The following GALNT18 variants were observed in gnomAD, a reference collection of about 807,000 sequenced individuals.
GALNT18 encodes the protein polypeptide N-acetylgalactosaminyltransferase 18.
A neutral mutation model predicts 69.5 loss-of-function variants in GALNT18; 44 were observed. That is an observed-to-expected ratio of 0.63 (90% CI 0.50 to 0.81). The LOEUF (loss-of-function observed/expected upper bound fraction) is 0.81, where lower values mean the gene tolerates loss of function less well. Ranked by LOEUF, GALNT18 falls within the 40% of genes least tolerant of loss-of-function variation. GALNT18 has a pLI of 0.00. For missense variants in GALNT18, 715 were observed against 810.0 expected, an observed-to-expected ratio of 0.88 and a Z score of 1.42; for synonymous variants, 364 against 318.2, an observed-to-expected ratio of 1.14 and a Z score of -1.53.
chr11:11,512,180 A>T (rs4076291), intron 1 of GALNT18, among the ~76,000 whole-genome samples: 61,159 of 152,040 alleles, frequency 0.4, 13,337 homozygotes, highest in East Asian at 0.7. Context: ...GCCTGCCCCC[A>T]TGGGTTCAGG....
intron 1 of GALNT18, among the ~76,000 whole-genome samples, chr11:11,599,599 T>G (rs1859584933): frequency 6.6e-6 from 1 of 152,082 alleles, no homozygotes; most frequent in Admixed American, 6.6e-5. Context: ...TCATATTTAA[T>G]GTTAATATTA....
chr11:11,282,010 G>A (rs1849086023), intron 10 of GALNT18, among the ~76,000 whole-genome samples: 1 of 152,074 alleles, frequency 6.6e-6, no homozygotes, highest in Non-Finnish European at 1.5e-5. Context: ...TCTGGGATAT[G>A]GACAGAGGGA....
chr11:11,567,811 G>A (rs1257128836), intron 1 of GALNT18, among the ~76,000 whole-genome samples: 1 of 152,222 alleles, frequency 6.6e-6, no homozygotes, highest in Non-Finnish European at 1.5e-5. Flanking sequence ...TGTCTCCAAA[G>A]ACTATGTCCT....
intron 1 of GALNT18, among the ~76,000 whole-genome samples, chr11:11,552,979 C>T (rs1188402884): frequency 1.3e-5 from 2 of 152,168 alleles, no homozygotes; most frequent in Non-Finnish European, 2.9e-5. Flanking sequence ...GGGTCTCAGC[C>T]CTGGGCTTTG....
At chr11:11,533,215 G>C (rs1408884662) in intron 1 of GALNT18, among the ~76,000 whole-genome samples, 1 of 152,196 alleles carries the variant, frequency 6.6e-6, no homozygotes, top group Non-Finnish European at 1.5e-5. Context: ...ACTGCTACCA[G>C]GAATGAGGTA....
chr11:11,307,208 G>A (rs561959997), intron 9 of GALNT18, among the ~76,000 whole-genome samples: 137 of 152,256 alleles, frequency 9.0e-4, no homozygotes, highest in African/African-American at 3.0e-3. Context: ...CCAAATTTTG[G>A]GGTAGTTTGT....
At chr11:11,594,832 TATATATATAC>T (rs1167619423) in intron 1 of GALNT18, among the ~76,000 whole-genome samples, 60 of 30,536 alleles carry the variant, frequency 2.0e-3, no homozygotes, top group African/African-American at 3.3e-3. Context: ...TATATATATA[TATATATATAC>T]ACATATACAT....
chr11:11,275,136 G>T (rs974587057), intron 10 of GALNT18, among the ~76,000 whole-genome samples: 1 of 152,202 alleles, frequency 6.6e-6, no homozygotes, highest in African/African-American at 2.4e-5. Flanking sequence ...TTCCACAATG[G>T]TTGAACTAAT....
chr11:11,409,582 G>A (rs1487036694), intron 3 of GALNT18, among the ~76,000 whole-genome samples: 1 of 151,830 alleles, frequency 6.6e-6, no homozygotes, highest in Admixed American at 6.6e-5. Flanking sequence ...ATAACTCCCC[G>A]TATCCTCTCT....
intron 1 of GALNT18, among the ~76,000 whole-genome samples, chr11:11,551,767 G>A (rs1389347397): frequency 2.6e-5 from 4 of 152,172 alleles, no homozygotes; most frequent in South Asian, 2.1e-4. Flanking sequence ...GGATGCAGGC[G>A]GGCTGAGTCC....
chr11:11,617,899 C>T lies in GALNT18; in HGVS notation c.235+3460G>A, dbSNP rs181897419. Among the ~76,000 whole-genome samples, 362 of 152,252 alleles carry T rather than the reference C, an allele frequency of 2.4e-3. 1 individual carries two copies. The highest frequency in any genetic ancestry group is 3.1e-3 in the Non-Finnish European group (212 of 68,024). The stretch of plus-strand genomic sequence containing the variant: ...AGAACCTGACCCTTACTAACATTTA[C>T]TTTGTGTTTCTAAACCCCCAGGATG... On this transcript the variant is annotated intron_variant, in intron 1 of 10. Coordinates refer to ENST00000227756, the MANE Select transcript of GALNT18 (RefSeq NM_198516.3). This position sits in a 1 kb window ranked among gnomAD's most constrained non-coding sequence, Gnocchi z 4.7.
At chr11:11,391,069 G>A (rs1232771544) in intron 3 of GALNT18, among the ~76,000 whole-genome samples, 2 of 152,166 alleles carry the variant, frequency 1.3e-5, no homozygotes, top group African/African-American at 2.4e-5. Flanking sequence ...TAGGCTGGGT[G>A]CAAGCTTTCA....
Position 11,284,908 on chromosome 11 carries a change from G to GTTTTTTTT in GALNT18, c.1677+8113_1677+8120dup, listed in dbSNP as rs58795517. 7.0e-3 allele frequency among the ~76,000 whole-genome samples: 578 copies of GTTTTTTTT among 82,750 alleles called. 49 individuals carry two copies. The highest frequency in any genetic ancestry group is 0.018 in the African/African-American group (300 of 16,508). 54.3% of individuals were successfully genotyped at this position (82,750 alleles called of 152,430 possible). On this transcript the variant is annotated intron_variant, in intron 10 of 10. Coordinates refer to ENST00000227756, the MANE Select transcript of GALNT18 (RefSeq NM_198516.3). The stretch of plus-strand genomic sequence containing the variant: ...CTGATTTACTAGTAAAGACTTTCGT[G>GTTTTTTTT]TTTTTTTTTTTTTTTTTTTTTTAAC...
At chr11:11,401,894 A>G (rs1854476141) in intron 3 of GALNT18, among the ~76,000 whole-genome samples, 1 of 152,228 alleles carries the variant, frequency 6.6e-6, no homozygotes, top group Admixed American at 6.5e-5. Flanking sequence ...GTGTGTACAG[A>G]TAGCTAAGGA....
intron 1 of GALNT18, among the ~76,000 whole-genome samples, chr11:11,574,036 C>T (rs1485241987): frequency 6.6e-6 from 1 of 152,188 alleles, no homozygotes; most frequent in Non-Finnish European, 1.5e-5. Context: ...GAGCTTTCCA[C>T]ATGACACTGT....
chr11:11,447,117 C>A (rs965855686), intron 2 of GALNT18, among the ~76,000 whole-genome samples: 5 of 152,198 alleles, frequency 3.3e-5, no homozygotes, highest in Non-Finnish European at 5.9e-5. Context: ...ATTCCAGCCA[C>A]AGGGGCCTCC....
chr11:11,277,301 A>C (rs1161083485), intron 10 of GALNT18, among the ~76,000 whole-genome samples: 1 of 152,098 alleles, frequency 6.6e-6, no homozygotes, highest in African/African-American at 2.4e-5. Context: ...TTTTGTGTAG[A>C]GGTGTTTACA....
At chr11:11,365,827 C>T (rs1020919818) in intron 6 of GALNT18, among the ~76,000 whole-genome samples, 1 of 152,134 alleles carries the variant, frequency 6.6e-6, no homozygotes, top group African/African-American at 2.4e-5. Flanking sequence ...GACAGACAAA[C>T]CCAGGTTCAA....
intron 1 of GALNT18, among the ~76,000 whole-genome samples, chr11:11,464,371 G>C (rs933266414): frequency 2.0e-5 from 3 of 152,346 alleles, no homozygotes; most frequent in Admixed American, 2.0e-4. Context: ...CTGCAGCCCT[G>C]AAGTTCCTCC....
Sources: allele counts gnomAD v4.1 joint callset (sites outside exome capture counted in the v4.1 genomes callset), GRCh38; gene constraint gnomAD v4.1.1; non-coding constraint Gnocchi (gnomAD v3.1); transcripts MANE v1.5; gene names NCBI Gene and HGNC (gene_info 2026-07-23, HGNC 2026-07-21).